Variants in RBMS3 observed in about 807,000 individuals in gnomAD.
The protein encoded by RBMS3 is RNA binding motif single stranded interacting protein 3.
Under a neutral mutation model 66.8 loss-of-function variants are expected in RBMS3, and 27 were observed. That is an observed-to-expected ratio of 0.40 (90% CI 0.30 to 0.56). The LOEUF is 0.56. RBMS3 is among the 20% of genes least tolerant of loss of function. The pLI is 0.40. For synonymous variants in RBMS3, 188 were observed against 183.0 expected (o/e 1.03, Z -0.22); for missense variants, 513 against 549.5 (o/e 0.93, Z 0.66).
intron 6 of RBMS3, among the ~76,000 whole-genome samples, chr3:29,844,584 T>C (rs2058735566): frequency 6.6e-6 from 1 of 152,224 alleles, no homozygotes; most frequent in East Asian, 1.9e-4. Context: ...ATAATGTAAA[T>C]GTATTTTCTC....
intron 3 of RBMS3, among the ~76,000 whole-genome samples, chr3:29,528,227 C>T (rs141745937): frequency 1.5e-3 from 234 of 151,628 alleles, no homozygotes; most frequent in African/African-American, 5.4e-3. Context: ...ATTCTCCTTC[C>T]TCAGCCTCTC....
chr3:29,393,654 A>G (rs761447775), intron 1 of RBMS3, among the ~76,000 whole-genome samples: 3 of 149,724 alleles, frequency 2.0e-5, no homozygotes, highest in Non-Finnish European at 4.4e-5. Flanking sequence ...AGCCCCCAGT[A>G]TTTCAACGTA....
chr3:29,770,488 C>A (rs1325635632), intron 6 of RBMS3, among the ~76,000 whole-genome samples: 3 of 151,704 alleles, frequency 2.0e-5, no homozygotes, highest in Admixed American at 6.6e-5. Context: ...CCATTTGGTT[C>A]CAGAATTTGA....
intron 10 of RBMS3, among the ~76,000 whole-genome samples, chr3:29,923,626 A>G (rs2060852501): frequency 6.6e-6 from 1 of 152,244 alleles, no homozygotes; most frequent in Non-Finnish European, 1.5e-5. Flanking sequence ...AATGGCAGAA[A>G]AAAAAAACTG....
chr3:29,303,543 C>T (rs2033814763), intron 1 of RBMS3, among the ~76,000 whole-genome samples: 1 of 151,990 alleles, frequency 6.6e-6, no homozygotes, highest in Admixed American at 6.6e-5. Flanking sequence ...TTGAATTTCC[C>T]TTTTTAACTT....
At chr3:29,801,551 A>AGCCACT (rs11282221) in intron 6 of RBMS3, among the ~76,000 whole-genome samples, 3,478 of 150,652 alleles carry the variant, frequency 0.023, 58 homozygotes, top group Non-Finnish European at 0.035. Flanking sequence ...TACAGGCATG[A>AGCCACT]GCACCTGACC....
intron 6 of RBMS3, among the ~76,000 whole-genome samples, chr3:29,768,828 T>C (rs2056050618): frequency 6.6e-6 from 1 of 151,912 alleles, no homozygotes; most frequent in Non-Finnish European, 1.5e-5. Context: ...GTTTCCTTTA[T>C]TAGCATTTTC....
chr3:29,589,820 G>T (rs986860128), intron 4 of RBMS3, among the ~76,000 whole-genome samples: 27 of 151,910 alleles, frequency 1.8e-4, no homozygotes, highest in Non-Finnish European at 1.0e-4. Context: ...TGCAGGTTGT[G>T]GTGTCACATT....
At chr3:29,993,318 G>A (rs1699003649) in intron 14 of RBMS3, among the ~76,000 whole-genome samples, 1 of 147,066 alleles carries the variant, frequency 6.8e-6, no homozygotes, top group Non-Finnish European at 1.5e-5. Flanking sequence ...TTTTCAGCCT[G>A]GTCAACGGGT....
intron 6 of RBMS3, among the ~76,000 whole-genome samples, chr3:29,798,780 C>T (rs373119446): frequency 3.3e-5 from 5 of 152,262 alleles, no homozygotes; most frequent in African/African-American, 1.2e-4. Context: ...ATAACCACAT[C>T]TGTCAAATGT....
At chr3:29,936,986 T>A (rs1388130213) in intron 11 of RBMS3, among the ~76,000 whole-genome samples, 1 of 152,106 alleles carries the variant, frequency 6.6e-6, no homozygotes, top group Non-Finnish European at 1.5e-5. Flanking sequence ...TAACCACTCA[T>A]GTGACACCTT....
chr3:29,993,927 A>G (rs2371910), intron 14 of RBMS3, among the ~76,000 whole-genome samples: 36,892 of 152,020 alleles, frequency 0.24, 4,781 homozygotes, highest in East Asian at 0.38. Context: ...GGGGGGAGGA[A>G]CCAAGATGGC....
intron 6 of RBMS3, among the ~76,000 whole-genome samples, chr3:29,826,045 G>A (rs917324743): frequency 5.9e-5 from 9 of 152,054 alleles, no homozygotes; most frequent in African/African-American, 2.2e-4. Context: ...AAAGATAAAT[G>A]CTCTTTTTCC....
intron 6 of RBMS3, among the ~76,000 whole-genome samples, chr3:29,784,487 A>G (rs2056751002): frequency 6.6e-6 from 1 of 152,062 alleles, no homozygotes; most frequent in Non-Finnish European, 1.5e-5. Flanking sequence ...TTTGAACTGA[A>G]CAATAATAGT....
chr3:29,414,704 C>G (rs2040407792), intron 1 of RBMS3, among the ~76,000 whole-genome samples: 1 of 152,044 alleles, frequency 6.6e-6, no homozygotes, highest in Admixed American at 6.5e-5. Context: ...TGCCAAATAA[C>G]TCAGGGAAAA....
intron 2 of RBMS3, among the ~76,000 whole-genome samples, chr3:29,437,273 C>T (rs2041436388): frequency 6.6e-6 from 1 of 152,218 alleles, no homozygotes; most frequent in South Asian, 2.1e-4. Context: ...TGTATGAACA[C>T]ACCACTGATG....
chr3:29,406,689 C>T (rs75483837), intron 1 of RBMS3, among the ~76,000 whole-genome samples: 1 of 152,252 alleles, frequency 6.6e-6, no homozygotes, highest in African/African-American at 2.4e-5. Context: ...AAACCCTGAA[C>T]TGTGTTAAAA....
At chr3:29,688,719 A>T (rs1261132581) in intron 4 of RBMS3, among the ~76,000 whole-genome samples, 1 of 151,284 alleles carries the variant, frequency 6.6e-6, no homozygotes, top group Non-Finnish European at 1.5e-5. Flanking sequence ...AGTAACTGGG[A>T]CTACAAGCGG....
At chr3:29,928,325 A>G (rs908128567) in intron 10 of RBMS3, among the ~76,000 whole-genome samples, 2 of 145,022 alleles carry the variant, frequency 1.4e-5, no homozygotes, top group African/African-American at 5.1e-5. Context: ...ATAATTTTTT[A>G]TTATGAAATA....
Sources: allele counts gnomAD v4.1 joint callset (sites outside exome capture counted in the v4.1 genomes callset), GRCh38; gene constraint gnomAD v4.1.1; transcripts MANE v1.5; gene names NCBI Gene and HGNC (gene_info 2026-07-23, HGNC 2026-07-21).